The following CRTC3 variants were observed in gnomAD, a reference collection of about 807,000 sequenced individuals.
CRTC3 encodes the protein CREB regulated transcription coactivator 3.
CRTC3 carries 26 observed loss-of-function variants against 74.5 expected under a neutral mutation model. The ratio of observed to expected loss-of-function variants is 0.35; its 90% CI spans 0.26 to 0.48. The LOEUF (loss-of-function observed/expected upper bound fraction) is 0.48, where lower values mean the gene tolerates loss of function less well. Among genes scored for constraint, CRTC3 ranks in the 20% least tolerant of loss-of-function variants. The pLI is 0.99. For missense variants in CRTC3, 760 were observed against 787.3 expected, an observed-to-expected ratio of 0.97 and a Z score of 0.41; for synonymous variants, 377 against 325.8, an observed-to-expected ratio of 1.16 and a Z score of -1.69.
chr15:90,580,259 A>C (rs556541623), intron 2 of CRTC3, among the ~76,000 whole-genome samples: 1 of 152,238 alleles, frequency 6.6e-6, no homozygotes, highest in Admixed American at 6.5e-5. Context: ...TTCAGCACTG[A>C]AGCCGGGAGC....
Position 90,579,634 on chromosome 15 carries a change from C to CTTTTTTTTTTT in CRTC3, c.232-13987_232-13977dup, listed in dbSNP as rs146273285. 3.3e-4 allele frequency among the ~76,000 whole-genome samples: 28 copies of CTTTTTTTTTTT among 84,194 alleles called. 3 individuals carry two copies. Among genetic ancestry groups the CTTTTTTTTTTT allele is most frequent in the African/African-American group, 5.7e-4 (12 of 21,172 alleles). 55.2% of individuals were successfully genotyped at this position (84,194 alleles called of 152,430 possible). On this transcript the variant is annotated intron_variant, in intron 2 of 14. Transcript: ENST00000268184. ...GATTACATGGAGTAAACGTATTTCA[C>CTTTTTTTTTTT]TTTTTTTTTTTTTTTTTTTTTTTTT...
intron 10 of CRTC3, 123 bp downstream of exon 10, chr15:90,626,116 C>T (rs1399218101): frequency 1.3e-6 from 1 of 773,156 alleles, no homozygotes; most frequent in African/African-American, 1.7e-5. Flanking sequence ...GATAATGTAC[C>T]TTCTTGTATC....
intron 2 of CRTC3, among the ~76,000 whole-genome samples, chr15:90,591,553 A>G (rs1967802236): frequency 1.3e-5 from 2 of 152,228 alleles, no homozygotes; most frequent in Non-Finnish European, 1.5e-5. Flanking sequence ...GCAGTGGCTC[A>G]GGCATGTAAT....
At chr15:90,545,877 CT>C (rs1458134447) in intron 2 of CRTC3, among the ~76,000 whole-genome samples, 1 of 152,202 alleles carries the variant, frequency 6.6e-6, no homozygotes, top group East Asian at 1.9e-4. Context: ...TGCGCCTGGC[CT>C]TGTCTAGTTT....
At chr15:90,638,408 C>T in intron 11 of CRTC3, 38 bp from the exon 12 acceptor site, 1 of 1,576,714 alleles carries the variant, frequency 6.3e-7, no homozygotes, top group Non-Finnish European at 8.7e-7. Context: ...GCCAGAAACG[C>T]AGAAGCTCAT....
chr15:90,628,266 G>A, intron 10 of CRTC3, among the ~76,000 whole-genome samples: 1 of 151,970 alleles, frequency 6.6e-6, no homozygotes, highest in African/African-American at 2.4e-5. Flanking sequence ...GCCAGCTGCT[G>A]GATTTTTGTC....
chr15:90,537,233 A>G (rs997262710), intron 1 of CRTC3, among the ~76,000 whole-genome samples: 3 of 85,890 alleles, frequency 3.5e-5, no homozygotes, highest in Admixed American at 2.9e-4. Flanking sequence ...CAATAATGAT[A>G]ATATCTTAAG....
At chr15:90,633,073 C>T (rs1264152634) in intron 11 of CRTC3, among the ~76,000 whole-genome samples, 1 of 152,178 alleles carries the variant, frequency 6.6e-6, no homozygotes, top group African/African-American at 2.4e-5. Context: ...CCACCCTCCT[C>T]ATTTATTATA....
chr15:90,610,951 C>G (rs11638226), intron 6 of CRTC3, among the ~76,000 whole-genome samples: 139,702 of 152,278 alleles, frequency 0.92, 64,284 homozygotes, highest in Middle Eastern at 0.98. Context: ...AGCTCCTTAG[C>G]GTGGAGGGGG....
rs1001739014 is a variant in CRTC3 at position 90,602,448 on chromosome 15, A to G, written c.413+63A>G. On this transcript the variant is annotated intron_variant, in intron 4 of 14. Transcript: ENST00000268184. ...TGTTATTTTTAGATAATTTCACTTT[A>G]TCCACTTTGAATGTTGTTTAGAAAT... 7.7e-6 allele frequency: 7 copies of G among 904,756 alleles called. No individual in the cohort carries two copies. In the African/African-American group the frequency reaches 1.0e-4, roughly 13 times the overall value. The allele number at this position is 904,756 out of a possible 1,614,324, so 56.0% of individuals were successfully genotyped here.
intron 2 of CRTC3, among the ~76,000 whole-genome samples, chr15:90,550,840 G>A (rs189524081): frequency 6.6e-4 from 100 of 151,008 alleles, no homozygotes; most frequent in African/African-American, 2.4e-3. Flanking sequence ...GATCAGAAAC[G>A]GGTTTGTAGG....
At chr15:90,628,593 A>G (rs941870199) in intron 10 of CRTC3, among the ~76,000 whole-genome samples, 33 of 152,162 alleles carry the variant, frequency 2.2e-4, no homozygotes, top group African/African-American at 7.7e-4. Flanking sequence ...CTCATGATCA[A>G]ATTCACCCCT....
At chr15:90,637,169 G>A (rs80339006) in intron 11 of CRTC3, among the ~76,000 whole-genome samples, 13,647 of 152,198 alleles carry the variant, frequency 0.09, 1,066 homozygotes, top group East Asian at 0.43. Context: ...GTCCAACAAC[G>A]ATAGACTGGA....
intron 2 of CRTC3, among the ~76,000 whole-genome samples, chr15:90,580,192 C>T (rs1393733557): frequency 1.3e-5 from 2 of 152,084 alleles, no homozygotes; most frequent in African/African-American, 4.8e-5. Context: ...ATATGTTATT[C>T]TTCTGGAGAC....
chr15:90,568,949 A>G (rs866316841), intron 2 of CRTC3, among the ~76,000 whole-genome samples: 6 of 152,262 alleles, frequency 3.9e-5, no homozygotes, highest in African/African-American at 1.4e-4. Context: ...ATGCTATTGC[A>G]CACTTAATAG....
At chr15:90,535,717 G>C (rs930321927) in intron 1 of CRTC3, among the ~76,000 whole-genome samples, 8 of 152,192 alleles carry the variant, frequency 5.3e-5, no homozygotes, top group Non-Finnish European at 1.2e-4. Flanking sequence ...ATGGAGGAGA[G>C]AGAGAAGATG....
At chr15:90,610,734 C>T (rs1230753078) in intron 6 of CRTC3, among the ~76,000 whole-genome samples, 1 of 152,184 alleles carries the variant, frequency 6.6e-6, no homozygotes, top group Non-Finnish European at 1.5e-5. Context: ...AAGCACAGGA[C>T]TCTGTGGGAC....
chr15:90,627,077 T>A (rs1968862339), intron 10 of CRTC3, among the ~76,000 whole-genome samples: 1 of 152,236 alleles, frequency 6.6e-6, no homozygotes, highest in South Asian at 2.1e-4. Context: ...TGCCTTTCAC[T>A]CTGAGACTCA....
rs1480515539 is a variant in CRTC3 at position 90,643,741 on chromosome 15, G to A, written c.*1601G>A. The A allele has an allele frequency of 2.1e-5, 5 of 232,594 alleles. No individual in the cohort carries two copies. The East Asian group carries it at 2.4e-4, about 11-fold the overall frequency. 14.4% of individuals were successfully genotyped at this position (232,594 alleles called of 1,614,324 possible). A position where few individuals can be genotyped will look rare whatever the true frequency, so the allele number is the denominator to read the frequency against. Reference sequence around the variant, plus strand: ...CACTGCAGGGGGAGGGGGGGGTCTAGGCTGTGAGAGGACAGGGTGGAGAGG... The same window carrying A: ...CACTGCAGGGGGAGGGGGGGGTCTAAGCTGTGAGAGGACAGGGTGGAGAGG... On this transcript the variant is annotated 3_prime_UTR_variant, in exon 15 of 15. Transcript: ENST00000268184.
Sources: allele counts gnomAD v4.1 joint callset (sites outside exome capture counted in the v4.1 genomes callset), GRCh38; gene constraint gnomAD v4.1.1; transcripts MANE v1.5; gene names NCBI Gene and HGNC (gene_info 2026-07-23, HGNC 2026-07-21).